Variants in ATP13A4 observed in about 807,000 individuals in gnomAD.
ATP13A4 encodes probable cation-transporting ATPase 13A4.
A neutral mutation model predicts 142.5 loss-of-function variants in ATP13A4; 114 were observed. The ratio of observed to expected loss-of-function variants is 0.80; its 90% CI spans 0.69 to 0.93. The LOEUF is 0.93. ATP13A4 is among the 40% of genes least tolerant of loss of function. ATP13A4 has a pLI of 0.00. For synonymous variants in ATP13A4, 488 were observed against 514.8 expected (o/e 0.95, Z 0.70); for missense variants, 1,392 against 1,454.0 (o/e 0.96, Z 0.69).
chr3:193,499,464 C>T (rs1720417558), intron 3 of ATP13A4, among the ~76,000 whole-genome samples: 4 of 152,116 alleles, frequency 2.6e-5, no homozygotes, highest in Admixed American at 2.6e-4. Flanking sequence ...ACTTTTCACA[C>T]GTTATGTTTA....
rs140245885 is a variant in ATP13A4, at chr3:193,459,966, G to A, written c.1524-735C>T. On this transcript the variant is annotated intron_variant, in intron 13 of 29. Transcript: ENST00000342695. ...CAAGAAGAATGTTGTCTGCAGCTTGGTTAGTCACAGCCCCTTCTCAAATGT... is the reference window on the plus strand; with the variant it reads ...CAAGAAGAATGTTGTCTGCAGCTTGATTAGTCACAGCCCCTTCTCAAATGT... 5.5e-3 allele frequency among the ~76,000 whole-genome samples: 833 copies of A among 152,286 alleles called. 2 individuals are homozygous for A. Among genetic ancestry groups the A allele is most frequent in the Admixed American group, 8.4e-3 (128 of 15,288 alleles).
At chr3:193,434,947 C>A (rs1276885522) in intron 24 of ATP13A4, among the ~76,000 whole-genome samples, 2 of 152,132 alleles carry the variant, frequency 1.3e-5, no homozygotes, top group African/African-American at 4.8e-5. Context: ...ATGTTGTGAG[C>A]TGGTTGTTAA....
At chr3:193,538,853 A>G (rs1240056980) in intron 1 of ATP13A4, among the ~76,000 whole-genome samples, 1 of 151,704 alleles carries the variant, frequency 6.6e-6, no homozygotes, top group Non-Finnish European at 1.5e-5. Flanking sequence ...ATATGCAGAC[A>G]AATGGAGGTG....
rs773627261 is a variant in ATP13A4 at position 193,457,186 on chromosome 3, G to A, written c.1762-33C>T. The A allele has an allele frequency of 4.3e-6, 7 of 1,611,354 alleles. No homozygotes were observed. The Admixed American group carries it at 5.0e-5, about 12-fold the overall frequency. ...AGGGATGGGGAAAGGAGAGGAACAT[G>A]CTGATACAGCTTCTAGCTACTGGGA... On this transcript the variant is annotated intron_variant, in intron 15 of 29. Transcript: ENST00000342695.
At position 193,442,565 on chromosome 3, in the gene ATP13A4, AAGG is replaced by A. The variant is rs767105308; in HGVS notation, c.2153-12_2153-10del. ...AGTCTGAAGATTGTCACCTAGAGGA[AAGG>A]AGGAGTATCTCAAGATGAGGTTGAC... is the stretch of plus-strand genomic sequence containing the variant. On this transcript the variant is annotated splice_polypyrimidine_tract_variant and intron_variant, in intron 18 of 29. Transcript: ENST00000342695. 2 of 1,611,900 alleles carry A rather than the reference AAGG, an allele frequency of 1.2e-6. No individual in the cohort carries two copies. Among genetic ancestry groups the A allele is most frequent in the South Asian group, 2.2e-5 (2 of 91,056 alleles).
Position 193,448,342 on chromosome 3 carries a change from T to C in ATP13A4, c.2028-12A>G, listed in dbSNP as rs1407465074. On this transcript the variant is annotated splice_polypyrimidine_tract_variant and intron_variant, in intron 17 of 29. Coordinates refer to ENST00000342695, the MANE Select transcript of ATP13A4 (RefSeq NM_032279.4). ...ATTCTACCGTCTCCCTGAAAATACA[T>C]ATATAGATGTATTGAACAGAAATAA... The C allele has an allele frequency of 6.2e-7, 1 of 1,613,320 alleles. No homozygotes were observed. Among genetic ancestry groups the C allele is most frequent in the South Asian group, 1.1e-5 (1 of 91,074 alleles).
rs756778972 is a variant in ATP13A4 at position 193,514,719 on chromosome 3, G to A, written c.213C>T (p.Asp71=). 1.2e-6 allele frequency: 2 copies of A among 1,614,198 alleles called. No homozygotes were observed. Among genetic ancestry groups the A allele is most frequent in the Non-Finnish European group, 1.7e-6 (2 of 1,180,034 alleles). ...TTACCGTTGTCCTCAGCAACACAGT[G>A]TCTGCTTCTTGCAAGGAACATGGGA... The part of the protein sequence containing the change: ...HCVPCSLQEA[D]TVLLRTTDEF... Residue 71 remains aspartate (D), a synonymous_variant, in exon 2 of 30, where the codon GAC becomes GAT. Coordinates refer to ENST00000342695, the MANE Select transcript of ATP13A4 (RefSeq NM_032279.4).
Position 193,514,699 on chromosome 3 carries a change from G to A in ATP13A4, c.233C>T (p.Thr78Met), listed in dbSNP as rs200435920. ...QEADTVLLRT[T>M]DEFQIYSWKK... The stretch of plus-strand genomic sequence containing the variant: ...CGACATAACCAGGTACACACTTACC[G>A]TTGTCCTCAGCAACACAGTGTCTGC... The change falls in exon 2 of 30, where the codon ACG becomes ATG. Residue 78 changes from threonine (T) to methionine (M), a missense_variant and splice_region_variant. Physicochemically the swap from Thr to Met is moderately conservative, Grantham distance 81. Transcript: ENST00000342695. 2.4e-5 allele frequency: 39 copies of A among 1,614,072 alleles called. No homozygotes were observed. Among genetic ancestry groups the A allele is most frequent in the East Asian group, 2.2e-4 (10 of 44,866 alleles).
At chr3:193,485,180 G>C (rs915536041) in intron 7 of ATP13A4, among the ~76,000 whole-genome samples, 2 of 151,374 alleles carry the variant, frequency 1.3e-5, no homozygotes, top group African/African-American at 4.9e-5. Context: ...AGCAAAAAAA[G>C]AGTATGTTTC....
intron 28 of ATP13A4, among the ~76,000 whole-genome samples, chr3:193,408,712 T>C (rs1228272359): frequency 6.6e-6 from 1 of 152,190 alleles, no homozygotes; most frequent in Non-Finnish European, 1.5e-5. Flanking sequence ...ACGTAGAAAC[T>C]CCTGATGGGC....
chr3:193,442,684 T>G, intron 18 of ATP13A4, 128 bp from the exon 19 acceptor site: 1 of 955,348 alleles, frequency 1.0e-6, no homozygotes, highest in Non-Finnish European at 1.6e-6. Context: ...CTCTGATATC[T>G]ATTTCAGCCC....
intron 8 of ATP13A4, among the ~76,000 whole-genome samples, chr3:193,473,861 C>T (rs1389595030): frequency 6.6e-6 from 1 of 152,118 alleles, no homozygotes; most frequent in Non-Finnish European, 1.5e-5. Flanking sequence ...AGAGACATGG[C>T]AAACAAGAGC....
intron 17 of ATP13A4, among the ~76,000 whole-genome samples, chr3:193,450,164 A>G (rs571652559): frequency 1.6e-4 from 25 of 151,588 alleles, no homozygotes; most frequent in Non-Finnish European, 2.9e-4. Context: ...CTCCCTTGTC[A>G]TATTACTTAT....
At chr3:193,454,668 C>A (rs1187146134) in intron 16 of ATP13A4, among the ~76,000 whole-genome samples, 1 of 152,120 alleles carries the variant, frequency 6.6e-6, no homozygotes, top group African/African-American at 2.4e-5. Flanking sequence ...TAACTGTATG[C>A]AGAAGACTGA....
intron 16 of ATP13A4, among the ~76,000 whole-genome samples, chr3:193,454,739 A>C (rs1717486035): frequency 6.6e-6 from 1 of 152,228 alleles, no homozygotes; most frequent in Non-Finnish European, 1.5e-5. Context: ...GACGACTTTT[A>C]AAACCTAAAA....
In ATP13A4 at chr3:193,502,549, G is replaced by A. The variant is rs928888616; in HGVS notation, c.325C>T (p.Leu109Phe). The change falls in exon 3 of 30, where the codon CTC becomes TTC. Residue 109 changes from leucine (L) to phenylalanine (F), a missense_variant. By Grantham distance (22) the Leu-to-Phe change is conservative. Transcript: ENST00000342695. ...SAFGLTPDHP[L>F]MTDEEYIINR... ...ATGATATACTCCTCATCTGTCATGA[G>A]AGGGTGGTCAGGAGTGAGACCAAAT... 6.2e-7 allele frequency: 1 copy of A among 1,613,992 alleles called. No homozygotes were observed. Among genetic ancestry groups the A allele is most frequent in the Non-Finnish European group, 8.5e-7 (1 of 1,179,884 alleles).
intron 1 of ATP13A4, among the ~76,000 whole-genome samples, chr3:193,528,034 C>A (rs1722108810): frequency 6.6e-6 from 1 of 152,224 alleles, no homozygotes; most frequent in South Asian, 2.1e-4. Flanking sequence ...TGCCTGCCTT[C>A]ACTTCAAAGC....
chr3:193,472,577 T>C (rs975093425), intron 8 of ATP13A4, among the ~76,000 whole-genome samples: 29 of 152,170 alleles, frequency 1.9e-4, no homozygotes, highest in African/African-American at 6.5e-4. Context: ...ATCTGTGAAG[T>C]TGTGAAGAAG....
rs910135792 is a variant in ATP13A4 at position 193,510,402 on chromosome 3, T to G, written c.234+4296A>C. 3.3e-5 allele frequency among the ~76,000 whole-genome samples: 5 copies of G among 152,162 alleles called. No individual in the cohort carries two copies. In the East Asian group the frequency reaches 9.6e-4, roughly 29 times the overall value. The stretch of plus-strand genomic sequence containing the variant: ...TTCTCCTCTGCACACCACGGGTCTT[T>G]GACAACATGTAACCTACGATGACAA... On this transcript the variant is annotated intron_variant, in intron 2 of 29. Coordinates refer to ENST00000342695, the MANE Select transcript of ATP13A4 (RefSeq NM_032279.4).
Sources: allele counts gnomAD v4.1 joint callset (sites outside exome capture counted in the v4.1 genomes callset), GRCh38; gene constraint gnomAD v4.1.1; transcripts MANE v1.5; gene names NCBI Gene and HGNC (gene_info 2026-07-23, HGNC 2026-07-21).